The following IMMP2L variants were observed in gnomAD, a reference collection of about 807,000 sequenced individuals.
The protein encoded by IMMP2L is inner mitochondrial membrane peptidase subunit 2.
In IMMP2L, 18 loss-of-function variants were observed where a neutral mutation model predicts 19.3. The ratio of observed to expected loss-of-function variants is 0.93; its 90% CI spans 0.64 to 1.38. IMMP2L has a LOEUF of 1.38. Among genes scored for constraint, IMMP2L ranks in the 40% most tolerant of loss-of-function variants. The pLI is 0.00. For missense variants in IMMP2L, 233 were observed against 218.2 expected, an observed-to-expected ratio of 1.07 and a Z score of -0.43; for synonymous variants, 76 against 73.0, an observed-to-expected ratio of 1.04 and a Z score of -0.21.
At chr7:111,519,359 A>G (rs897590176) in intron 2 of IMMP2L, among the ~76,000 whole-genome samples, 5 of 152,128 alleles carry the variant, frequency 3.3e-5, no homozygotes, top group Non-Finnish European at 7.4e-5. Flanking sequence ...TAAGCCTTCC[A>G]ATAAATCCCC....
intron 3 of IMMP2L, among the ~76,000 whole-genome samples, chr7:111,134,655 G>A (rs1258886360): frequency 6.6e-6 from 1 of 151,940 alleles, no homozygotes; most frequent in Non-Finnish European, 1.5e-5. Context: ...TCTGATACAT[G>A]CATTATGAAA....
chr7:111,230,421 T>C, intron 3 of IMMP2L, among the ~76,000 whole-genome samples: 1 of 152,026 alleles, frequency 6.6e-6, no homozygotes, highest in East Asian at 1.9e-4. Flanking sequence ...CAGAAAGAAG[T>C]GCAACAAGAT....
At chr7:111,016,109 G>A (rs966993955) in intron 3 of IMMP2L, among the ~76,000 whole-genome samples, 4 of 151,982 alleles carry the variant, frequency 2.6e-5, no homozygotes, top group Non-Finnish European at 5.9e-5. Flanking sequence ...GAGATTTAGT[G>A]TGCATTGCAA....
At chr7:111,544,981 T>C (rs1202088601) in intron 1 of IMMP2L, among the ~76,000 whole-genome samples, 4 of 151,918 alleles carry the variant, frequency 2.6e-5, no homozygotes, top group Non-Finnish European at 5.9e-5. Flanking sequence ...CAATCCTCTC[T>C]CTTACATTGA....
intron 3 of IMMP2L, among the ~76,000 whole-genome samples, chr7:111,105,905 T>C (rs1472349435): frequency 3.3e-5 from 5 of 152,058 alleles, no homozygotes; most frequent in Non-Finnish European, 5.9e-5. Context: ...CACTGATGTA[T>C]GTATCAAATC....
intron 2 of IMMP2L, among the ~76,000 whole-genome samples, chr7:111,495,281 T>C (rs985521205): frequency 2.0e-5 from 3 of 152,148 alleles, no homozygotes; most frequent in Non-Finnish European, 2.9e-5. Context: ...ATCTCACAAA[T>C]TGTTTTTTAT....
At chr7:111,264,354 C>T (rs1817621361) in intron 3 of IMMP2L, among the ~76,000 whole-genome samples, 1 of 152,098 alleles carries the variant, frequency 6.6e-6, no homozygotes, top group African/African-American at 2.4e-5. Context: ...GCTTGCCCAA[C>T]AGTGTCAAAT....
At chr7:110,926,477 T>C (rs1814865393) in intron 4 of IMMP2L, among the ~76,000 whole-genome samples, 1 of 152,134 alleles carries the variant, frequency 6.6e-6, no homozygotes, top group Admixed American at 6.6e-5. Flanking sequence ...GCCATGCAAT[T>C]TACTTTTATT....
At chr7:110,761,677 A>G (rs917483618) in intron 5 of IMMP2L, among the ~76,000 whole-genome samples, 1 of 152,182 alleles carries the variant, frequency 6.6e-6, no homozygotes, top group Non-Finnish European at 1.5e-5. Flanking sequence ...TGTCTAATGT[A>G]ATCCTTACAA....
chr7:111,518,820 A>ATATTTTCC (rs1846094322), intron 2 of IMMP2L, among the ~76,000 whole-genome samples: 2 of 152,136 alleles, frequency 1.3e-5, no homozygotes, highest in Non-Finnish European at 2.9e-5. Context: ...TTGTAAAAAC[A>ATATTTTCC]TATTTTCCTT....
At chr7:110,732,580 T>C (rs796927111) in intron 5 of IMMP2L, among the ~76,000 whole-genome samples, 15 of 152,260 alleles carry the variant, frequency 9.9e-5, no homozygotes, top group African/African-American at 3.4e-4. Flanking sequence ...TATAAGGATT[T>C]TGCACCTTGT....
intron 3 of IMMP2L, among the ~76,000 whole-genome samples, chr7:111,380,551 G>C (rs1386553343): frequency 1.3e-5 from 2 of 151,970 alleles, no homozygotes; most frequent in East Asian, 3.9e-4. Context: ...AAAAGCAGCA[G>C]ATATGTAACA....
intron 5 of IMMP2L, among the ~76,000 whole-genome samples, chr7:110,714,547 C>CTGAT (rs1280281630): frequency 6.6e-6 from 1 of 151,844 alleles, no homozygotes; most frequent in African/African-American, 2.4e-5. Context: ...ACTTGTATGA[C>CTGAT]TGATAGAATT....
intron 5 of IMMP2L, among the ~76,000 whole-genome samples, chr7:110,741,842 C>T (rs1797006741): frequency 1.3e-5 from 2 of 152,044 alleles, no homozygotes; most frequent in African/African-American, 4.8e-5. Flanking sequence ...TCTTTCCAAT[C>T]TCAGGGGATT....
intron 3 of IMMP2L, among the ~76,000 whole-genome samples, chr7:111,335,990 T>C (rs1826360863): frequency 6.6e-6 from 1 of 152,098 alleles, no homozygotes; most frequent in Non-Finnish European, 1.5e-5. Context: ...AATAGATACT[T>C]ACTTGATGTT....
intron 3 of IMMP2L, among the ~76,000 whole-genome samples, chr7:110,987,540 T>A (rs1360042652): frequency 1.3e-5 from 2 of 152,314 alleles, no homozygotes; most frequent in Non-Finnish European, 1.5e-5. Context: ...GTTTTAGGAA[T>A]GCTAGTTTTC....
chr7:110,755,567 G>C (rs1311587390), intron 5 of IMMP2L, among the ~76,000 whole-genome samples: 1 of 152,106 alleles, frequency 6.6e-6, no homozygotes, highest in Non-Finnish European at 1.5e-5. Context: ...ACAAGGCATA[G>C]GGATACAGAG....
chr7:110,798,801 CACAA>C (rs1306346679), intron 5 of IMMP2L, among the ~76,000 whole-genome samples: 3 of 151,708 alleles, frequency 2.0e-5, no homozygotes, highest in Non-Finnish European at 4.4e-5. Flanking sequence ...GAAACATCTC[CACAA>C]ACAGACGTTT....
At chr7:110,826,638 G>A (rs980089952) in intron 5 of IMMP2L, among the ~76,000 whole-genome samples, 22 of 151,964 alleles carry the variant, frequency 1.4e-4, no homozygotes, top group African/African-American at 4.6e-4. Flanking sequence ...ACTGAACAAT[G>A]AGAACACTTC....
Sources: gnomAD v4.1 joint callset for allele counts (sites outside exome capture counted in the v4.1 genomes callset) on GRCh38, gnomAD v4.1.1 for gene constraint, MANE v1.5 for transcripts, NCBI Gene and HGNC (gene_info 2026-07-23, HGNC 2026-07-21) for gene names.